GRM7: variants seen among roughly 807,000 people sequenced by gnomAD.
The protein encoded by GRM7 is metabotropic glutamate receptor 7.
GRM7 carries 35 observed loss-of-function variants against 84.5 expected under a neutral mutation model. The ratio of observed to expected loss-of-function variants is 0.41; its 90% confidence interval spans 0.32 to 0.55. The LOEUF is 0.55. GRM7 is among the 20% of genes least tolerant of loss of function. The probability of loss-of-function intolerance (pLI) is 0.19; values close to 1 mark genes in which losing one functional copy is unlikely to be tolerated. For missense variants in GRM7, 1,003 were observed against 1,194.6 expected (o/e 0.84, Z 2.36); for synonymous variants, 487 against 455.1 (o/e 1.07, Z -0.89).
chr3:7,005,669 T>G (rs1002000231), intron 1 of GRM7, among the ~76,000 whole-genome samples: 3 of 152,214 alleles, frequency 2.0e-5, no homozygotes, highest in Non-Finnish European at 2.9e-5. Flanking sequence ...GTAAGCCTCT[T>G]GCAATAGCAA....
At chr3:7,642,099 A>G (rs1698390151) in intron 8 of GRM7, among the ~76,000 whole-genome samples, 1 of 152,184 alleles carries the variant, frequency 6.6e-6, no homozygotes, top group Non-Finnish European at 1.5e-5. Flanking sequence ...ACTGTTAACA[A>G]GGAACTTAAC....
At chr3:7,435,040 A>T (rs928556530) in intron 5 of GRM7, among the ~76,000 whole-genome samples, 1 of 151,860 alleles carries the variant, frequency 6.6e-6, no homozygotes, top group Admixed American at 6.6e-5. Context: ...TATCTCTTAA[A>T]TTTTTTTTCA....
Position 6,976,993 on chromosome 3 carries a change from T to C in GRM7, c.519+115086T>C, listed in dbSNP as rs534734688. On this transcript the variant is annotated intron_variant, in intron 1 of 9. Coordinates refer to ENST00000357716, the MANE Select transcript of GRM7 (RefSeq NM_000844.4). ...AGAATCAGTGCAGAGGCTTGGGTTA[T>C]GATATGAAGTGATCAGAATTGATGG... is the stretch of plus-strand genomic sequence containing the variant. Among the ~76,000 whole-genome samples, 46 of 152,254 alleles carry C rather than the reference T, an allele frequency of 3.0e-4. No individual in the cohort carries two copies. The South Asian group carries it at 8.3e-3, about 27-fold the overall frequency.
intron 8 of GRM7, among the ~76,000 whole-genome samples, chr3:7,637,347 G>A (rs1698142720): frequency 6.6e-6 from 1 of 152,116 alleles, no homozygotes; most frequent in East Asian, 1.9e-4. Flanking sequence ...TGTATTAGAA[G>A]GTGGCTTGAT....
intron 7 of GRM7, among the ~76,000 whole-genome samples, chr3:7,547,233 G>C (rs1436306264): frequency 8.4e-6 from 1 of 118,750 alleles, no homozygotes; most frequent in Non-Finnish European, 1.6e-5. Flanking sequence ...TTGAGACGGA[G>C]TCTCACTCTG....
At chr3:7,009,055 T>C (rs959260144) in intron 1 of GRM7, among the ~76,000 whole-genome samples, 3 of 152,180 alleles carry the variant, frequency 2.0e-5, no homozygotes, top group African/African-American at 7.2e-5. Context: ...AAAGAAATAA[T>C]TTCAAAATTA....
chr3:7,484,170 TTAA>T (rs1433219289), intron 7 of GRM7, among the ~76,000 whole-genome samples: 1 of 152,202 alleles, frequency 6.6e-6, no homozygotes, highest in Admixed American at 6.5e-5. Flanking sequence ...TAAGGTGCAT[TTAA>T]CAAGAGTGGA....
At chr3:7,324,320 G>T (rs1344451261) in intron 4 of GRM7, among the ~76,000 whole-genome samples, 5 of 152,132 alleles carry the variant, frequency 3.3e-5, no homozygotes, top group Non-Finnish European at 5.9e-5. Flanking sequence ...AGGAAGAAGT[G>T]GAGGAATCAC....
At chr3:7,689,910 A>AGACTC (rs1453455261) in intron 9 of GRM7, among the ~76,000 whole-genome samples, 1 of 152,112 alleles carries the variant, frequency 6.6e-6, no homozygotes, top group African/African-American at 2.4e-5. Context: ...ATCTGATGGA[A>AGACTC]GACTCAAAGG....
intron 8 of GRM7, among the ~76,000 whole-genome samples, chr3:7,633,876 T>C (rs1231788825): frequency 6.6e-6 from 1 of 152,186 alleles, no homozygotes; most frequent in Non-Finnish European, 1.5e-5. Context: ...TCCCAACAGA[T>C]AGGGATTTTT....
chr3:7,475,166 AG>A (rs1399448330), intron 7 of GRM7, among the ~76,000 whole-genome samples: 2 of 152,222 alleles, frequency 1.3e-5, no homozygotes, highest in African/African-American at 4.8e-5. Context: ...GTAAATACAA[AG>A]AAGTCTACGT....
At chr3:7,623,473 G>A (rs1214914985) in intron 8 of GRM7, among the ~76,000 whole-genome samples, 1 of 152,082 alleles carries the variant, frequency 6.6e-6, no homozygotes, top group Admixed American at 6.5e-5. Flanking sequence ...CATAAAGCTA[G>A]GCCAAAGTGA....
rs2125039871 is a variant in GRM7 at position 7,310,172 on chromosome 3, C to T, written c.1033+3520C>T. On this transcript the variant is annotated intron_variant, in intron 4 of 9. Transcript: ENST00000357716. ...GTCATGGACCAGCATAATTTCATCT[C>T]TTCCATACTCATTAACATTAGGAAG... Among the ~76,000 whole-genome samples the T allele has an allele frequency of 2.0e-5, 3 of 152,266 alleles. No individual in the cohort carries two copies. The Middle Eastern group carries it at 0.01, about 518-fold the overall frequency.
chr3:7,552,715 G>T (rs112059261), intron 7 of GRM7, among the ~76,000 whole-genome samples: 2 of 152,340 alleles, frequency 1.3e-5, no homozygotes, highest in African/African-American at 4.8e-5. Context: ...CAGCTGGGAT[G>T]CAGGGCACCA....
chr3:7,696,421 A>G (rs1375819483), intron 9 of GRM7, among the ~76,000 whole-genome samples: 1 of 152,130 alleles, frequency 6.6e-6, no homozygotes, highest in Non-Finnish European at 1.5e-5. Flanking sequence ...GTACATGGAT[A>G]ATGACTACAG....
intron 2 of GRM7, among the ~76,000 whole-genome samples, chr3:7,181,581 C>T (rs574990931): frequency 9.2e-5 from 14 of 152,034 alleles, no homozygotes; most frequent in Admixed American, 2.6e-4. Flanking sequence ...ATTTTAGAAA[C>T]ACTATTGAAT....
At chr3:7,286,166 G>C (rs1413024351) in intron 2 of GRM7, among the ~76,000 whole-genome samples, 1 of 152,146 alleles carries the variant, frequency 6.6e-6, no homozygotes. Flanking sequence ...TAATCATAAA[G>C]GTGATTGCTT....
chr3:7,018,048 A>G (rs1219747068), intron 1 of GRM7, among the ~76,000 whole-genome samples: 1 of 152,220 alleles, frequency 6.6e-6, no homozygotes, highest in African/African-American at 2.4e-5. Context: ...AATGTGAACC[A>G]TTGATCTAAT....
At chr3:6,897,010 G>T (rs1002475454) in intron 1 of GRM7, among the ~76,000 whole-genome samples, 16 of 152,198 alleles carry the variant, frequency 1.1e-4, no homozygotes, top group African/African-American at 3.9e-4. Context: ...CTTGAGTGTG[G>T]TGTATTTCTG....
Sources: gnomAD v4.1 joint callset for allele counts (sites outside exome capture counted in the v4.1 genomes callset) on GRCh38, gnomAD v4.1.1 for gene constraint, MANE v1.5 for transcripts, NCBI Gene and HGNC (gene_info 2026-07-23, HGNC 2026-07-21) for gene names.